The following MACF1 variants were observed in gnomAD, a reference collection of about 807,000 sequenced individuals.
MACF1 encodes microtubule actin crosslinking factor 1.
MACF1 carries 193 observed loss-of-function variants against 854.8 expected under a neutral mutation model. That is an observed-to-expected ratio of 0.23 (90% CI 0.20 to 0.25). MACF1 has a LOEUF of 0.25. MACF1 is among the 10% of genes least tolerant of loss of function. The probability of loss-of-function intolerance (pLI) is 1.00; values close to 1 mark genes in which losing one functional copy is unlikely to be tolerated. For missense variants in MACF1, 7,722 were observed against 8,929.1 expected, an observed-to-expected ratio of 0.86 and a Z score of 5.45; for synonymous variants, 3,185 against 3,226.7, an observed-to-expected ratio of 0.99 and a Z score of 0.44.
chr1:39,309,619 G>A lies in MACF1; in HGVS notation c.2839G>A (p.Val947Ile), dbSNP rs1292124180. The A allele has an allele frequency of 6.2e-7, 1 of 1,614,158 alleles. No individual in the cohort carries two copies. Among genetic ancestry groups the A allele is most frequent in the Admixed American group, 1.7e-5 (1 of 60,028 alleles). The change falls in exon 24 of 101, where the codon GTT (valine) becomes ATT (isoleucine). Residue 947 changes from valine (V) to isoleucine (I), a missense_variant. Transcript: ENST00000564288. ...TATGGCCCTTTGGCATCAGCTGCAT[G>A]TTAACACCAAAAGCCTTATCTCTTG... ...KVMALWHQLH[V>I]NTKSLISWNY...
In MACF1 at chr1:39,378,510, C is replaced by T; in HGVS notation, c.13263C>T (p.Tyr4421=). 1.2e-6 allele frequency: 2 copies of T among 1,613,746 alleles called. No homozygotes were observed. The highest frequency in any genetic ancestry group is 1.1e-5 in the South Asian group (1 of 91,060). Residue 4421 remains tyrosine, a synonymous_variant, in exon 53 of 101, where the codon TAC becomes TAT. Transcript: ENST00000564288. ...VGSSVGSVNG[Y]HTCKDLTEIQ... The stretch of plus-strand genomic sequence containing the variant: ...GCTCTGTAGGCAGTGTAAACGGATA[C>T]CACACCTGCAAAGGTGAGAATGCCA...
At chr1:39,235,365 C>T (rs905204070) in intron 2 of MACF1, among the ~76,000 whole-genome samples, 4 of 152,310 alleles carry the variant, frequency 2.6e-5, no homozygotes, top group African/African-American at 7.2e-5. Flanking sequence ...CGTGGTGGCG[C>T]GAGCCTGCAA....
Position 39,429,817 on chromosome 1 carries a change from T to C in MACF1, c.16889-10T>C. On this transcript the variant is annotated splice_polypyrimidine_tract_variant and intron_variant, in intron 64 of 100. Coordinates refer to ENST00000564288, the MANE Select transcript of MACF1 (RefSeq NM_001394062.1). ...CTTAAATATGAGTAATTGTGTGCTA[T>C]CTTCCATAGGTGAGGAGGTGTTACT... 1 of 1,613,694 alleles carries C rather than the reference T, an allele frequency of 6.2e-7. No homozygotes were observed.
At position 39,393,272 on chromosome 1, in the gene MACF1, C is replaced by G. The variant is rs143002411; in HGVS notation, c.15816+4614C>G. Among the ~76,000 whole-genome samples the G allele has an allele frequency of 2.4e-4, 35 of 144,188 alleles. No individual in the cohort carries two copies. The East Asian group carries it at 7.1e-3, about 29-fold the overall frequency. The allele number at this position is 144,188 out of a possible 152,430, so 94.6% of individuals were successfully genotyped here. The stretch of plus-strand genomic sequence containing the variant: ...GAGATTTTCCTCATTTTGAAATTCC[C>G]TACGTAGGTTTTACTTGAACTGAGA... On this transcript the variant is annotated intron_variant, in intron 58 of 100. Transcript: ENST00000564288.
chr1:39,477,071 A>ATATATACACACACATATATACACTTAGTG lies in MACF1; in HGVS notation c.21959-2721_21959-2720insCACACACATATATACACTTAGTGTATATA, dbSNP rs1644907062. 1.1e-3 allele frequency among the ~76,000 whole-genome samples: 19 copies of ATATATACACACACATATATACACTTAGTG among 16,812 alleles called. 1 individual carries two copies. The South Asian group carries it at 0.018, about 16-fold the overall frequency. The allele number at this position is 16,812 out of a possible 152,430, so 11.0% of individuals were successfully genotyped here. On this transcript the variant is annotated intron_variant, in intron 97 of 100. Coordinates refer to ENST00000564288, the MANE Select transcript of MACF1 (RefSeq NM_001394062.1). ...TATATATATATATATATATATATAT[A>ATATATACACACACATATATACACTTAGTG]TATATATATATATATATATACACAC...
chr1:39,143,848 C>T (rs141286729), intron 2 of MACF1, among the ~76,000 whole-genome samples: 1,768 of 152,192 alleles, frequency 0.012, 30 homozygotes, highest in African/African-American at 0.04. Context: ...GATCTTCACT[C>T]ACTGCAAGCT....
At chr1:39,138,313 G>T (rs1279113649) in intron 2 of MACF1, among the ~76,000 whole-genome samples, 1 of 151,760 alleles carries the variant, frequency 6.6e-6, no homozygotes, top group Non-Finnish European at 1.5e-5. Flanking sequence ...GCTGGACGCG[G>T]TGGCTCACGC....
chr1:39,434,302 TA>T (rs1643925158), intron 68 of MACF1, 111 bp from the exon 69 acceptor site: 2 of 465,388 alleles, frequency 4.3e-6, no homozygotes, highest in East Asian at 6.3e-5. Context: ...TATTTTAAAA[TA>T]ATTTAGTTAT....
In MACF1 at chr1:39,335,118, T is replaced by C. The variant is rs754119351; in HGVS notation, c.8530T>C (p.Leu2844=). The C allele has an allele frequency of 1.9e-5, 31 of 1,614,028 alleles. No homozygotes were observed. Among genetic ancestry groups the C allele is most frequent in the Middle Eastern group, 1.6e-4 (1 of 6,084 alleles). ...EQAKKSREIS[L]KEFGCKDQRK... is the part of the protein sequence containing the mutation. ...GGCAAAAAAGAGCAGGGAAATTTCC[T>C]TAAAGGAATTTGGGTGCAAGGATCA... Residue 2844 remains leucine (L), a synonymous_variant, in exon 37 of 101, where the codon TTA becomes CTA. Coordinates refer to ENST00000564288, the MANE Select transcript of MACF1 (RefSeq NM_001394062.1).
At chr1:39,278,874 G>A (rs1226608670) in intron 6 of MACF1, among the ~76,000 whole-genome samples, 1 of 152,106 alleles carries the variant, frequency 6.6e-6, no homozygotes, top group Non-Finnish European at 1.5e-5. Flanking sequence ...AGGTAGATCT[G>A]GAGTTGATTA....
At chr1:39,447,364 G>A (rs987577422) in intron 80 of MACF1, 68 bp from the exon 81 acceptor site, 6 of 1,481,910 alleles carry the variant, frequency 4.0e-6, no homozygotes, top group East Asian at 2.3e-5. Flanking sequence ...TGCCTTTGTC[G>A]CTGAGCCTAT....
At position 39,337,659 on chromosome 1, in the gene MACF1, C is replaced by T. The variant is rs372557505; in HGVS notation, c.10215+328C>T. On this transcript the variant is annotated intron_variant, in intron 38 of 100. Transcript: ENST00000564288. ...TCGGCTCACTGCAACCTCCGCCTCC[C>T]GGGTTCAAGCAATTCCCCTGCCTCA... Among the ~76,000 whole-genome samples, 26 of 150,654 alleles carry T rather than the reference C, an allele frequency of 1.7e-4. No individual in the cohort carries two copies. In the East Asian group the frequency reaches 2.0e-3, roughly 11 times the overall value.
chr1:39,161,637 C>T lies in MACF1; in HGVS notation c.221-69545C>T, dbSNP rs151285186. ...ATCCTAGCACTTCAGGAGGCTGAGG[C>T]GGGCGGATCACAACGTCAGGAGTTT... On this transcript the variant is annotated intron_variant, in intron 2 of 93. Transcript: ENST00000361689. 1.3e-3 allele frequency among the ~76,000 whole-genome samples: 192 copies of T among 152,016 alleles called. 1 individual carries two copies. Among genetic ancestry groups the T allele is most frequent in the Non-Finnish European group, 2.4e-3 (161 of 67,958 alleles).
At chr1:39,461,823 TAACC>T (rs1644561537) in intron 92 of MACF1, 56 bp from the exon 93 acceptor site, 3 of 694,700 alleles carry the variant, frequency 4.3e-6, no homozygotes, top group Non-Finnish European at 6.9e-6. Context: ...AAAAAATCTA[TAACC>T]GCCAACCGAA....
chr1:39,309,690 A>G lies in MACF1; in HGVS notation c.2910A>G (p.Leu970=), dbSNP rs1385418247. ...KDLDLVQTWN[L]EKLRSSAPGE... Reference sequence around the variant, plus strand: ...TTGACCTTGTACAGACCTGGAACCTAGAAAAGGTAATTATGAAAACCTTAC... The same window carrying G: ...TTGACCTTGTACAGACCTGGAACCTGGAAAAGGTAATTATGAAAACCTTAC... Residue 970 remains leucine, a synonymous_variant, in exon 24 of 101, where the codon CTA becomes CTG. Coordinates refer to ENST00000564288, the MANE Select transcript of MACF1 (RefSeq NM_001394062.1). The G allele has an allele frequency of 6.2e-7, 1 of 1,609,854 alleles. No individual in the cohort carries two copies. Among genetic ancestry groups the G allele is most frequent in the Non-Finnish European group, 8.5e-7 (1 of 1,178,886 alleles).
At chr1:39,094,728 AAAG>A (rs1325586700) in intron 2 of MACF1, among the ~76,000 whole-genome samples, 1 of 152,074 alleles carries the variant, frequency 6.6e-6, no homozygotes, top group African/African-American at 2.4e-5. Context: ...CAAAAAAAAA[AAAG>A]AAAAAAAGAA....
In MACF1 at chr1:39,442,729, G is replaced by T; in HGVS notation, c.19120G>T (p.Val6374Phe). 6.2e-7 allele frequency: 1 copy of T among 1,613,822 alleles called. No homozygotes were observed. ...LAKHHVLKNDVLAHQATVETV... is the reference protein window; with the variant it reads ...LAKHHVLKNDFLAHQATVETV... ...CATGTTTTAGGTCCTAAAAAATGAT[G>T]TTTTGGCTCATCAAGCCACAGTGGA... The change falls in exon 78 of 101, where the codon GTT becomes TTT. Residue 6374 changes from valine to phenylalanine, a missense_variant. Transcript: ENST00000564288.
At chr1:39,296,021 G>A in intron 20 of MACF1, 139 bp downstream of exon 20, 1 of 662,422 alleles carries the variant, frequency 1.5e-6, no homozygotes, top group Non-Finnish European at 2.6e-6. Context: ...TAGTCATTTA[G>A]ATAGCTCATG....
intron 58 of MACF1, among the ~76,000 whole-genome samples, chr1:39,392,966 C>G (rs1187088643): frequency 6.6e-6 from 1 of 151,844 alleles, no homozygotes; most frequent in Non-Finnish European, 1.5e-5. Flanking sequence ...TTCTAGAAAT[C>G]ACTAATGAGA....
Sources: gnomAD v4.1 joint callset for allele counts (sites outside exome capture counted in the v4.1 genomes callset) on GRCh38, gnomAD v4.1.1 for gene constraint, MANE v1.5 for transcripts, NCBI Gene and HGNC (gene_info 2026-07-23, HGNC 2026-07-21) for gene names.